ARHGAP42: variants seen among roughly 807,000 people sequenced by gnomAD.
The protein encoded by ARHGAP42 is rho GTPase-activating protein 42.
ARHGAP42 carries 63 observed loss-of-function variants against 125.0 expected under a neutral mutation model. That is an observed-to-expected ratio of 0.50 (90% CI 0.41 to 0.62). ARHGAP42 has a LOEUF of 0.62. Among genes scored for constraint, ARHGAP42 ranks in the 20% least tolerant of loss-of-function variants. ARHGAP42 has a pLI of 0.00. For missense variants in ARHGAP42, 766 were observed against 1,024.2 expected (o/e 0.75, Z 3.44); for synonymous variants, 339 against 351.0 (o/e 0.97, Z 0.38).
chr11:100,755,576 A>G (rs900352950), intron 1 of ARHGAP42, among the ~76,000 whole-genome samples: 1 of 152,232 alleles, frequency 6.6e-6, no homozygotes, highest in Non-Finnish European at 1.5e-5. Flanking sequence ...GGGTTCTCAG[A>G]TGACTTATAT....
intron 1 of ARHGAP42, among the ~76,000 whole-genome samples, chr11:100,755,793 G>A (rs950845641): frequency 2.0e-5 from 3 of 152,086 alleles, no homozygotes; most frequent in African/African-American, 7.2e-5. Context: ...GTCATAACAG[G>A]GACAACAGAG....
intron 11 of ARHGAP42, among the ~76,000 whole-genome samples, chr11:100,949,618 C>A (rs1407076346): frequency 6.6e-6 from 1 of 152,084 alleles, no homozygotes; most frequent in East Asian, 1.9e-4. Flanking sequence ...GAGATACTTC[C>A]TGAGAAAGGC....
intron 4 of ARHGAP42, among the ~76,000 whole-genome samples, chr11:100,881,940 C>T (rs950198041): frequency 1.4e-4 from 22 of 152,212 alleles, no homozygotes; most frequent in African/African-American, 5.1e-4. Flanking sequence ...AGGAGAGCTA[C>T]TGATTTGTGT....
At chr11:100,898,952 C>A (rs1282078126) in intron 4 of ARHGAP42, among the ~76,000 whole-genome samples, 2 of 152,054 alleles carry the variant, frequency 1.3e-5, no homozygotes, top group Admixed American at 1.3e-4. Flanking sequence ...GATTTTTGAT[C>A]TTTCCTGCTT....
At chr11:100,948,964 G>C (rs1286784388) in intron 11 of ARHGAP42, among the ~76,000 whole-genome samples, 1 of 152,002 alleles carries the variant, frequency 6.6e-6, no homozygotes, top group African/African-American at 2.4e-5. Flanking sequence ...TAATAAAACT[G>C]CCTGTGGCTT....
chr11:100,688,283 T>A (rs989904360), intron 1 of ARHGAP42, among the ~76,000 whole-genome samples: 1 of 152,216 alleles, frequency 6.6e-6, no homozygotes, highest in Non-Finnish European at 1.5e-5. Flanking sequence ...TGGCTCTTCA[T>A]TGGACACAGT....
At chr11:100,748,914 C>T (rs555936724) in intron 1 of ARHGAP42, among the ~76,000 whole-genome samples, 41 of 152,146 alleles carry the variant, frequency 2.7e-4, no homozygotes, top group African/African-American at 8.7e-4. Context: ...TACTACTGCT[C>T]TCTCTCTCTT....
At chr11:100,858,471 TTGTATA>T (rs1865375568) in intron 3 of ARHGAP42, among the ~76,000 whole-genome samples, 1 of 152,118 alleles carries the variant, frequency 6.6e-6, no homozygotes, top group Non-Finnish European at 1.5e-5. Context: ...GTTTTTATTT[TTGTATA>T]TTATCTGTGT....
chr11:100,932,761 ATTTACTGG>A (rs1293157531), intron 6 of ARHGAP42, among the ~76,000 whole-genome samples: 1 of 151,954 alleles, frequency 6.6e-6, no homozygotes. Context: ...CTTATCTGTG[ATTTACTGG>A]TTTGGTCTTC....
rs1400031447 is a variant in ARHGAP42 at position 100,936,186 on chromosome 11, G to A, written c.703-17G>A. The A allele has an allele frequency of 6.4e-7, 1 of 1,550,710 alleles. No individual in the cohort carries two copies. Among genetic ancestry groups the A allele is most frequent in the Admixed American group, 2.0e-5 (1 of 50,952 alleles). On this transcript the variant is annotated splice_polypyrimidine_tract_variant and intron_variant, in intron 7 of 23. Transcript: ENST00000298815. ...GTAGAAAATAATGACTGAAATTATT[G>A]TTTCTGTTTACTTAAGACAAGGAAT...
At chr11:100,750,212 G>C (rs189955730) in intron 1 of ARHGAP42, among the ~76,000 whole-genome samples, 16 of 152,338 alleles carry the variant, frequency 1.1e-4, no homozygotes, top group African/African-American at 3.1e-4. Flanking sequence ...GCAAGGCAAC[G>C]TACTTCTATA....
At chr11:100,966,247 C>A (rs1264762651) in intron 17 of ARHGAP42, among the ~76,000 whole-genome samples, 1 of 152,064 alleles carries the variant, frequency 6.6e-6, no homozygotes, top group Middle Eastern at 3.2e-3. Context: ...CTAGTTTATT[C>A]ATATATTTAC....
At chr11:100,789,081 G>A (rs543569645) in intron 2 of ARHGAP42, among the ~76,000 whole-genome samples, 3 of 152,168 alleles carry the variant, frequency 2.0e-5, no homozygotes, top group East Asian at 3.9e-4. Context: ...GCTTATATCC[G>A]ATTTAAGTGG....
intron 18 of ARHGAP42, 140 bp from the exon 19 acceptor site, chr11:100,974,319 G>A: frequency 2.6e-6 from 2 of 760,706 alleles, no homozygotes; most frequent in Non-Finnish European, 3.9e-6. Context: ...GAATACTCCA[G>A]ATAAATGGAA....
chr11:100,877,262 GA>G (rs34505689), intron 4 of ARHGAP42, among the ~76,000 whole-genome samples: 3,025 of 152,282 alleles, frequency 0.02, 84 homozygotes, highest in African/African-American at 0.069. Flanking sequence ...CAGATGCAGT[GA>G]CACTTAAAAT....
intron 2 of ARHGAP42, among the ~76,000 whole-genome samples, chr11:100,784,112 T>G (rs901662902): frequency 6.6e-6 from 1 of 151,972 alleles, no homozygotes; most frequent in Non-Finnish European, 1.5e-5. Flanking sequence ...GTCCTAATGG[T>G]TAGGTATGAT....
At chr11:100,975,744 T>C (rs928269428) in intron 19 of ARHGAP42, among the ~76,000 whole-genome samples, 1 of 152,184 alleles carries the variant, frequency 6.6e-6, no homozygotes, top group Non-Finnish European at 1.5e-5. Context: ...CATAAACAAA[T>C]TTTGTGGGAA....
intron 3 of ARHGAP42, among the ~76,000 whole-genome samples, chr11:100,834,574 G>A (rs1864736290): frequency 1.3e-5 from 2 of 152,244 alleles, no homozygotes; most frequent in East Asian, 3.9e-4. Flanking sequence ...GAGAGACATA[G>A]TAGGACTTAA....
rs1857940908 is a variant in ARHGAP42 at position 100,961,057 on chromosome 11, T to A, written c.1300+68T>A. 3.0e-6 allele frequency: 3 copies of A among 1,011,396 alleles called. No individual in the cohort carries two copies. The East Asian group carries it at 8.3e-5, about 28-fold the overall frequency. The allele number at this position is 1,011,396 out of a possible 1,614,324, so 62.7% of individuals were successfully genotyped here. A position where few individuals can be genotyped will look rare whatever the true frequency, so the allele number is the denominator to read the frequency against. On this transcript the variant is annotated intron_variant, in intron 14 of 23. Transcript: ENST00000298815. The stretch of plus-strand genomic sequence containing the variant: ...ATAGGTAATCTAAAGTATGGACTTC[T>A]TTGACTAGTGCTTGTCTTTGAATAT...
Sources: allele counts gnomAD v4.1 joint callset (sites outside exome capture counted in the v4.1 genomes callset), GRCh38; gene constraint gnomAD v4.1.1; transcripts MANE v1.5; gene names NCBI Gene and HGNC (gene_info 2026-07-23, HGNC 2026-07-21).